Variants in RIT2 observed in about 807,000 individuals in gnomAD.
RIT2 encodes the protein Ras like without CAAX 2.
In RIT2, 24 loss-of-function variants were observed where a neutral mutation model predicts 23.7. The observed-to-expected ratio is 1.01, with a 90% CI of 0.73 to 1.43. The LOEUF (loss-of-function observed/expected upper bound fraction) is 1.43. Ranked by LOEUF, RIT2 falls within the 40% of genes most tolerant of loss-of-function variation. The pLI is 0.00. For missense variants in RIT2, 236 were observed against 266.9 expected (o/e 0.88, Z 0.81); for synonymous variants, 107 against 91.1 (o/e 1.17, Z -0.99).
chr18:42,798,434 G>T (rs1327128151), intron 4 of RIT2, among the ~76,000 whole-genome samples: 1 of 152,180 alleles, frequency 6.6e-6, no homozygotes, highest in East Asian at 1.9e-4. Flanking sequence ...ATGTATATTT[G>T]ATGAAAGCTA....
chr18:42,956,217 T>C (rs1909967552), intron 3 of RIT2, among the ~76,000 whole-genome samples: 1 of 152,140 alleles, frequency 6.6e-6, no homozygotes, highest in Non-Finnish European at 1.5e-5. Context: ...AGAGCAATGC[T>C]AATCTCTACC....
At chr18:42,875,503 T>C (rs1598694675) in intron 4 of RIT2, among the ~76,000 whole-genome samples, 1 of 152,144 alleles carries the variant, frequency 6.6e-6, no homozygotes, top group East Asian at 1.9e-4. Context: ...CCTTTGAACA[T>C]GTGGAAACAG....
intron 2 of RIT2, among the ~76,000 whole-genome samples, chr18:43,005,511 C>G (rs181227357): frequency 6.6e-6 from 1 of 151,692 alleles, no homozygotes; most frequent in Non-Finnish European, 1.5e-5. Flanking sequence ...GGAGAACTCA[C>G]TTAATTACTC....
At chr18:42,975,346 C>T (rs1483815481) in intron 2 of RIT2, among the ~76,000 whole-genome samples, 1 of 151,958 alleles carries the variant, frequency 6.6e-6, no homozygotes, top group Admixed American at 6.6e-5. Context: ...TATGTTGAGT[C>T]AAACTTGTAT....
At chr18:43,034,794 CCT>C (rs909042004) in intron 1 of RIT2, among the ~76,000 whole-genome samples, 14 of 152,094 alleles carry the variant, frequency 9.2e-5, no homozygotes, top group Non-Finnish European at 2.1e-4. Context: ...GATATCTGAT[CCT>C]CTGTCCTACC....
chr18:42,815,585 AGTATGTAT>A (rs1465418814), intron 4 of RIT2, among the ~76,000 whole-genome samples: 1 of 152,222 alleles, frequency 6.6e-6, no homozygotes, highest in Non-Finnish European at 1.5e-5. Context: ...ATCTATATAC[AGTATGTAT>A]GCAGAATTGA....
intron 4 of RIT2, among the ~76,000 whole-genome samples, chr18:42,897,483 C>A (rs1908361555): frequency 6.6e-6 from 1 of 152,132 alleles, no homozygotes; most frequent in East Asian, 1.9e-4. Context: ...CATAGTCTAC[C>A]ACATGCATTC....
At chr18:42,951,228 C>G (rs562414095) in intron 3 of RIT2, among the ~76,000 whole-genome samples, 200 of 152,146 alleles carry the variant, frequency 1.3e-3, no homozygotes, top group South Asian at 5.0e-3. Flanking sequence ...GTATATACAC[C>G]ATGGACTATT....
intron 1 of RIT2, among the ~76,000 whole-genome samples, chr18:43,087,854 C>T (rs1251124108): frequency 3.3e-5 from 5 of 152,048 alleles, no homozygotes; most frequent in East Asian, 3.9e-4. Context: ...CAGCACTAGT[C>T]GGGAAACATA....
At chr18:42,892,294 T>C (rs1221356330) in intron 4 of RIT2, among the ~76,000 whole-genome samples, 2 of 152,166 alleles carry the variant, frequency 1.3e-5, no homozygotes, top group African/African-American at 4.8e-5. Context: ...CCAGCTTAAG[T>C]GAATGTCTTT....
intron 1 of RIT2, among the ~76,000 whole-genome samples, chr18:43,078,819 C>T (rs1231276242): frequency 6.6e-6 from 1 of 152,104 alleles, no homozygotes; most frequent in Non-Finnish European, 1.5e-5. Flanking sequence ...TGACTGTGGT[C>T]TTTTTATCTC....
chr18:43,006,571 A>T (rs1328589143), intron 2 of RIT2, among the ~76,000 whole-genome samples: 1 of 151,714 alleles, frequency 6.6e-6, no homozygotes, highest in African/African-American at 2.4e-5. Flanking sequence ...ATAAAGGCTT[A>T]AGTAGAAAGA....
At chr18:42,870,393 AC>A (rs1163193508) in intron 4 of RIT2, among the ~76,000 whole-genome samples, 1 of 152,092 alleles carries the variant, frequency 6.6e-6, no homozygotes, top group Non-Finnish European at 1.5e-5. Flanking sequence ...GGTGCATGCA[AC>A]CACGCCTGGC....
chr18:43,088,671 G>T (rs1034185130), intron 1 of RIT2, among the ~76,000 whole-genome samples: 31 of 152,122 alleles, frequency 2.0e-4, no homozygotes, highest in African/African-American at 7.2e-4. Context: ...GAACTTTGAT[G>T]AACATAGTGC....
At chr18:42,818,471 A>C (rs1165367342) in intron 4 of RIT2, among the ~76,000 whole-genome samples, 2 of 152,124 alleles carry the variant, frequency 1.3e-5, no homozygotes, top group Non-Finnish European at 2.9e-5. Flanking sequence ...TTCTATATGT[A>C]AATATTTAGA....
chr18:43,106,018 G>C (rs1913813516), intron 1 of RIT2, among the ~76,000 whole-genome samples: 1 of 152,130 alleles, frequency 6.6e-6, no homozygotes, highest in Non-Finnish European at 1.5e-5. Flanking sequence ...GTCACCTCAG[G>C]CTCTGGGTTC....
At chr18:42,921,930 T>C (rs1292789842) in intron 4 of RIT2, among the ~76,000 whole-genome samples, 1 of 152,138 alleles carries the variant, frequency 6.6e-6, no homozygotes, top group Admixed American at 6.6e-5. Flanking sequence ...TGCCAAGTTA[T>C]CTAAAATAGA....
In RIT2 at chr18:42,808,009, G is replaced by A. The variant is rs1287033231; in HGVS notation, c.427-64289C>T. The stretch of plus-strand genomic sequence containing the variant: ...TGGATGATGTGTTTGAAAGAGCCCC[G>A]CAGATCCTAATGAGCTGTCGGTTGG... On this transcript the variant is annotated intron_variant, in intron 4 of 4. Coordinates refer to ENST00000326695, the MANE Select transcript of RIT2 (RefSeq NM_002930.4). Among the ~76,000 whole-genome samples, 10 of 152,136 alleles carry A rather than the reference G, an allele frequency of 6.6e-5. No individual in the cohort carries two copies. In the East Asian group the frequency reaches 1.2e-3, roughly 18 times the overall value.
At chr18:42,759,427 T>C (rs1483795075) in intron 4 of RIT2, among the ~76,000 whole-genome samples, 1 of 152,124 alleles carries the variant, frequency 6.6e-6, no homozygotes, top group Non-Finnish European at 1.5e-5. Context: ...ATAATATAGT[T>C]CTTCAATATT....
Sources: allele counts gnomAD v4.1 joint callset (sites outside exome capture counted in the v4.1 genomes callset), GRCh38; gene constraint gnomAD v4.1.1; transcripts MANE v1.5; gene names NCBI Gene and HGNC (gene_info 2026-07-23, HGNC 2026-07-21).